RPGRIP1L: variants seen among roughly 807,000 people sequenced by gnomAD.
RPGRIP1L encodes the protein RPGRIP1 like, also known as protein fantom.
Under a neutral mutation model 160.4 loss-of-function variants are expected in RPGRIP1L, and 131 were observed. That is an observed-to-expected ratio of 0.82 (90% CI 0.71 to 0.94). The LOEUF is 0.94. Ranked by LOEUF, RPGRIP1L falls within the 40% of genes least tolerant of loss-of-function variation. The pLI is 0.00. For synonymous variants in RPGRIP1L, 510 were observed against 515.8 expected, an observed-to-expected ratio of 0.99 and a Z score of 0.15; for missense variants, 1,522 against 1,535.8, an observed-to-expected ratio of 0.99 and a Z score of 0.15.
rs780023355 is a variant in RPGRIP1L at position 53,649,107 on chromosome 16, C to T, written c.2161G>A (p.Gly721Arg). The change falls in exon 16 of 27, where the codon GGA (glycine) becomes AGA (arginine). Residue 721 changes from glycine to arginine, a missense_variant. Gly to Arg is a moderately radical substitution (Grantham distance 125, BLOSUM62 -2). Transcript: ENST00000647211. ...ACTGTGCCAAAATTTGGGATGTCTC[C>T]TTTTGTTCCTACAAATCAGTACATA... ...FCTASLIGTKGDIPNFGTVEY... is the reference protein window; with the variant it reads ...FCTASLIGTKRDIPNFGTVEY... The T allele has an allele frequency of 1.4e-5, 22 of 1,613,764 alleles. No individual in the cohort carries two copies. Among genetic ancestry groups the T allele is most frequent in the African/African-American group, 4.0e-5 (3 of 74,914 alleles).
chr16:53,673,094 G>T, intron 7 of RPGRIP1L, 78 bp from the exon 8 acceptor site: 2 of 1,330,780 alleles, frequency 1.5e-6, no homozygotes, highest in Non-Finnish European at 2.1e-6. Context: ...TTGACTAAAT[G>T]ATTACAATTC....
chr16:53,625,334 C>A (rs1191201233), intron 22 of RPGRIP1L, among the ~76,000 whole-genome samples: 2 of 151,070 alleles, frequency 1.3e-5, no homozygotes, highest in Non-Finnish European at 3.0e-5. Context: ...TCCGCGGCTG[C>A]CCCATCTGGG....
rs368077917 is a variant in RPGRIP1L at position 53,609,784 on chromosome 16, A to G, written c.3701+1183T>C. Among the ~76,000 whole-genome samples, 15 of 152,264 alleles carry G rather than the reference A, an allele frequency of 9.9e-5. No homozygotes were observed. The East Asian group carries it at 1.9e-3, about 20-fold the overall frequency. ...CCCTGAAAGAAGCTGAAGCAAGTCA[A>G]ACCTGAGTGATTACCATCCTGGGAA... is the stretch of plus-strand genomic sequence containing the variant. On this transcript the variant is annotated intron_variant, in intron 25 of 26. Coordinates refer to ENST00000647211, the MANE Select transcript of RPGRIP1L (RefSeq NM_015272.5).
intron 25 of RPGRIP1L, among the ~76,000 whole-genome samples, chr16:53,606,320 T>G (rs1263708456): frequency 6.6e-6 from 1 of 152,234 alleles, no homozygotes; most frequent in East Asian, 1.9e-4. Context: ...TGACAGGAAT[T>G]TACAGTTAAG....
At position 53,636,419 on chromosome 16, in the gene RPGRIP1L, G is replaced by A. The variant is rs763675416; in HGVS notation, c.3294+20C>T. The A allele has an allele frequency of 2.0e-6, 3 of 1,532,970 alleles. No individual in the cohort carries two copies. The South Asian group carries it at 3.4e-5, about 17-fold the overall frequency. 95.0% of individuals were successfully genotyped at this position (1,532,970 alleles called of 1,614,324 possible). A position where few individuals can be genotyped will look rare whatever the true frequency, so the allele number is the denominator to read the frequency against. ...GCAGCCTTATTTCAGAACATTTCTAGTTGGCATCAAGTTACTGACCTGTTT... is the reference window on the plus strand; with the variant it reads ...GCAGCCTTATTTCAGAACATTTCTAATTGGCATCAAGTTACTGACCTGTTT... On this transcript the variant is annotated intron_variant, in intron 22 of 26. Coordinates refer to ENST00000647211, the MANE Select transcript of RPGRIP1L (RefSeq NM_015272.5).
chr16:53,654,493 AGT>A (rs2151137684), intron 14 of RPGRIP1L, among the ~76,000 whole-genome samples: 1 of 152,296 alleles, frequency 6.6e-6, no homozygotes, highest in South Asian at 2.1e-4. Context: ...TACTGTGTGA[AGT>A]CTTGCCTGAA....
rs532475847 is a variant in RPGRIP1L, at chr16:53,639,334, T to C, written c.2959-923A>G. On this transcript the variant is annotated intron_variant, in intron 19 of 26. Transcript: ENST00000647211. ...AACTAATTTTTGATGGAAATAAAAA[T>C]TTTGGTTACACAATAATAACTGCAT... Among the ~76,000 whole-genome samples, 4 of 152,098 alleles carry C rather than the reference T, an allele frequency of 2.6e-5. No individual in the cohort carries two copies. In the South Asian group the frequency reaches 8.3e-4, roughly 32 times the overall value.
At chr16:53,662,648 T>G (rs1967902822) in intron 10 of RPGRIP1L, among the ~76,000 whole-genome samples, 1 of 152,106 alleles carries the variant, frequency 6.6e-6, no homozygotes, top group Non-Finnish European at 1.5e-5. Context: ...TTGTGTATTA[T>G]TTCCTTGGAA....
chr16:53,669,305 T>C (rs560383791), intron 9 of RPGRIP1L, among the ~76,000 whole-genome samples: 4 of 152,272 alleles, frequency 2.6e-5, no homozygotes, highest in African/African-American at 9.6e-5. Context: ...TTTGTGCTTA[T>C]GTTACATTAA....
chr16:53,615,050 C>G (rs1380726767), intron 24 of RPGRIP1L, among the ~76,000 whole-genome samples: 2 of 152,188 alleles, frequency 1.3e-5, no homozygotes, highest in Admixed American at 6.5e-5. Context: ...GAGTAATCAT[C>G]TGTATCATCC....
At chr16:53,618,360 C>T (rs1218235895) in intron 24 of RPGRIP1L, among the ~76,000 whole-genome samples, 1 of 152,062 alleles carries the variant, frequency 6.6e-6, no homozygotes, top group Non-Finnish European at 1.5e-5. Flanking sequence ...ACATTGAAAG[C>T]TTCGAATCAT....
chr16:53,673,229 C>A (rs1446771610), intron 7 of RPGRIP1L, among the ~76,000 whole-genome samples: 2 of 152,144 alleles, frequency 1.3e-5, no homozygotes, highest in Admixed American at 1.3e-4. Context: ...GAAGAAAATA[C>A]AGGGTTATCT....
intron 16 of RPGRIP1L, among the ~76,000 whole-genome samples, chr16:53,646,342 T>C (rs1966546996): frequency 6.6e-6 from 1 of 152,138 alleles, no homozygotes; most frequent in African/African-American, 2.4e-5. Flanking sequence ...GATAGACGAA[T>C]GTCCTAACTA....
At chr16:53,700,800 A>C in intron 1 of RPGRIP1L, 70 bp from the exon 2 acceptor site, 1 of 1,185,800 alleles carries the variant, frequency 8.4e-7, no homozygotes, top group African/African-American at 1.5e-5. Flanking sequence ...GGAATGAACC[A>C]AATAAAACGA....
intron 17 of RPGRIP1L, among the ~76,000 whole-genome samples, chr16:53,643,179 GTGCC>G: frequency 6.6e-6 from 1 of 152,112 alleles, no homozygotes; most frequent in Non-Finnish European, 1.5e-5. Flanking sequence ...GTGGTGGCGG[GTGCC>G]TGTAATCCCA....
intron 6 of RPGRIP1L, among the ~76,000 whole-genome samples, chr16:53,675,494 T>C (rs1969084197): frequency 6.6e-6 from 1 of 152,104 alleles, no homozygotes; most frequent in Admixed American, 6.5e-5. Context: ...ACTTCACACT[T>C]ATTTTAAGGA....
chr16:53,678,397 A>G (rs1174483889), intron 6 of RPGRIP1L, among the ~76,000 whole-genome samples: 1 of 152,232 alleles, frequency 6.6e-6, no homozygotes, highest in Non-Finnish European at 1.5e-5. Context: ...ACTGGGTGCC[A>G]TAATAAATCC....
At position 53,636,479 on chromosome 16, in the gene RPGRIP1L, T is replaced by C. The variant is rs573999259; in HGVS notation, c.3254A>G (p.Asp1085Gly). ...GGAGATAGGACCTGGAATAATACAG[T>C]CATCACTGTCAGAAGCTGACATGTC... ...EEDMSASDSD[D>G]CIIPGPISKN... is the part of the protein sequence containing the mutation. Residue 1085 changes from aspartate to glycine, a missense_variant, in exon 22 of 27, where the codon GAC becomes GGC. Physicochemically the swap from Asp to Gly is moderately conservative, Grantham distance 94 (BLOSUM62 -1). Transcript: ENST00000647211. 6 of 1,612,616 alleles carry C rather than the reference T, an allele frequency of 3.7e-6. No homozygotes were observed. The African/African-American group carries it at 8.0e-5, about 22-fold the overall frequency.
chr16:53,657,857 T>C (rs1967399684), intron 12 of RPGRIP1L, among the ~76,000 whole-genome samples: 2 of 152,076 alleles, frequency 1.3e-5, no homozygotes, highest in Admixed American at 6.5e-5. Flanking sequence ...GGATAGACAA[T>C]TGGAACAGTT....
Sources: allele counts gnomAD v4.1 joint callset (sites outside exome capture counted in the v4.1 genomes callset), GRCh38; gene constraint gnomAD v4.1.1; transcripts MANE v1.5; gene names NCBI Gene and HGNC (gene_info 2026-07-23, HGNC 2026-07-21).